NAV2: variants seen among roughly 807,000 people sequenced by gnomAD.
The protein encoded by NAV2 is helicase, APC down-regulated 1.
NAV2 carries 54 observed loss-of-function variants against 223.2 expected under a neutral mutation model. The observed-to-expected ratio is 0.24, with a 90% CI of 0.19 to 0.30. NAV2 has a LOEUF of 0.30. Among genes scored for constraint, NAV2 ranks in the 10% least tolerant of loss-of-function variants. NAV2 has a pLI of 1.00. For synonymous variants in NAV2, 1,279 were observed against 1,239.3 expected, an observed-to-expected ratio of 1.03 and a Z score of -0.67; for missense variants, 2,806 against 3,147.5, an observed-to-expected ratio of 0.89 and a Z score of 2.60.
At chr11:19,960,279 T>C (rs1231083306) in intron 10 of NAV2, among the ~76,000 whole-genome samples, 1 of 152,136 alleles carries the variant, frequency 6.6e-6, no homozygotes, top group Non-Finnish European at 1.5e-5. Flanking sequence ...AAAAACATAT[T>C]CCATCCTACT....
intron 1 of NAV2, among the ~76,000 whole-genome samples, chr11:19,572,939 C>T (rs998857742): frequency 3.3e-5 from 5 of 152,206 alleles, no homozygotes; most frequent in African/African-American, 1.2e-4. Flanking sequence ...AAACAACAAA[C>T]CGCAGAACCA....
chr11:20,055,873 C>T lies in NAV2; in HGVS notation c.4747C>T (p.Arg1583Cys), dbSNP rs202118914. Residue 1583 changes from arginine (R) to cysteine (C), a missense_variant, in exon 19 of 38, where the codon CGC becomes TGC. Transcript: ENST00000349880. Reference sequence around the variant, plus strand: ...GCAGTATGATCCATACACTGACAGCCGCTTCCGGAATAGCTCCATGTCCCT... The same window carrying T: ...GCAGTATGATCCATACACTGACAGCTGCTTCCGGAATAGCTCCATGTCCCT... Reference protein sequence around the residue: ...DGQYDPYTDSRFRNSSMSLDE... With the variant: ...DGQYDPYTDSCFRNSSMSLDE... 59 of 1,614,068 alleles carry T rather than the reference C, an allele frequency of 3.7e-5. No homozygotes were observed. The highest frequency in any genetic ancestry group is 2.5e-4 in the East Asian group (11 of 44,880).
At chr11:19,927,135 C>T (rs2044833987) in intron 6 of NAV2, among the ~76,000 whole-genome samples, 1 of 152,176 alleles carries the variant, frequency 6.6e-6, no homozygotes, top group South Asian at 2.1e-4. Context: ...AAAAAAAATT[C>T]CTTTTCTTCA....
chr11:19,845,570 G>A (rs2060758262), intron 3 of NAV2, among the ~76,000 whole-genome samples: 1 of 152,188 alleles, frequency 6.6e-6, no homozygotes, highest in Admixed American at 6.5e-5. Flanking sequence ...GAATGGAGTG[G>A]GTGCTATTCC....
intron 5 of NAV2, among the ~76,000 whole-genome samples, chr11:19,886,309 C>T (rs2040970842): frequency 6.6e-6 from 1 of 152,184 alleles, no homozygotes; most frequent in Non-Finnish European, 1.5e-5. Context: ...AGTGCTTACA[C>T]TTGGGGAGAC....
intron 35 of NAV2, among the ~76,000 whole-genome samples, chr11:20,106,369 G>A (rs1380893467): frequency 6.7e-6 from 1 of 148,160 alleles, no homozygotes; most frequent in East Asian, 2.0e-4. Context: ...AACCAGCCTG[G>A]CCAACATGGT....
intron 1 of NAV2, among the ~76,000 whole-genome samples, chr11:19,664,818 A>G (rs1005490399): frequency 6.6e-6 from 1 of 152,220 alleles, no homozygotes. Flanking sequence ...AAGAACATGT[A>G]TTGAACACCT....
intron 1 of NAV2, among the ~76,000 whole-genome samples, chr11:19,377,112 T>G (rs1447688359): frequency 1.3e-5 from 2 of 152,168 alleles, no homozygotes; most frequent in African/African-American, 4.8e-5. Context: ...CCCAGCAATC[T>G]CTGTCCTTTT....
At chr11:19,697,917 G>A (rs1230331470) in intron 1 of NAV2, among the ~76,000 whole-genome samples, 1 of 152,130 alleles carries the variant, frequency 6.6e-6, no homozygotes, top group Non-Finnish European at 1.5e-5. Flanking sequence ...GTAACGCTGG[G>A]GTCAGTCCTA....
At chr11:20,102,771 C>T (rs2153701774) in intron 32 of NAV2, among the ~76,000 whole-genome samples, 1 of 152,280 alleles carries the variant, frequency 6.6e-6, no homozygotes, top group East Asian at 1.9e-4. Flanking sequence ...CAATGCCCCA[C>T]CCGTTCTCCA....
rs577229856 is a variant in NAV2 at position 19,403,798 on chromosome 11, CAG to C, written c.75+52774_75+52775del. On this transcript the variant is annotated intron_variant, in intron 1 of 37. Coordinates refer to the NAV2 transcript ENST00000360655. ...GTATGTGCTATGGGGAAAAATAAAA[CAG>C]AGGAAGGGATATCGAGTGTGGGGTT... 1.9e-3 allele frequency among the ~76,000 whole-genome samples: 289 copies of C among 152,108 alleles called. 1 individual carries two copies. Among genetic ancestry groups the C allele is most frequent in the Non-Finnish European group, 3.2e-3 (219 of 67,996 alleles).
chr11:19,765,477 CCTT>C (rs1483004204), intron 1 of NAV2, among the ~76,000 whole-genome samples: 1 of 151,012 alleles, frequency 6.6e-6, no homozygotes, highest in Admixed American at 6.6e-5. Context: ...CCCTCTGTCT[CCTT>C]CTCCTTCTCC....
chr11:19,482,425 G>C (rs1358814005), intron 1 of NAV2, among the ~76,000 whole-genome samples: 2 of 152,182 alleles, frequency 1.3e-5, no homozygotes, highest in African/African-American at 4.8e-5. Context: ...TGTTCTATAG[G>C]ACCCCGGGGT....
chr11:19,727,799 C>T (rs1002175425), intron 1 of NAV2, among the ~76,000 whole-genome samples: 1 of 152,318 alleles, frequency 6.6e-6, no homozygotes. Context: ...TTGTGCACAC[C>T]TGTGTCTCAG....
chr11:19,828,000 C>T (rs974781540), intron 1 of NAV2, among the ~76,000 whole-genome samples: 6 of 152,044 alleles, frequency 3.9e-5, no homozygotes, highest in African/African-American at 9.7e-5. Context: ...CAACAATGAG[C>T]TGGGCGTGAT....
At chr11:19,994,463 C>G (rs915273586) in intron 11 of NAV2, among the ~76,000 whole-genome samples, 8 of 151,634 alleles carry the variant, frequency 5.3e-5, no homozygotes, top group Non-Finnish European at 1.0e-4. Context: ...AGGAGAATCG[C>G]TTGAACCGGG....
chr11:19,598,295 T>A (rs2046262418), intron 1 of NAV2, among the ~76,000 whole-genome samples: 1 of 152,192 alleles, frequency 6.6e-6, no homozygotes, highest in South Asian at 2.1e-4. Flanking sequence ...ACACTGCACT[T>A]GTGGCACCCA....
At chr11:19,709,023 A>T (rs142253066), upstream of NAV2, among the ~76,000 whole-genome samples, 1 of 152,184 alleles carries the variant, frequency 6.6e-6, no homozygotes, top group East Asian at 1.9e-4. Flanking sequence ...CTTGCAAAAC[A>T]TTGATTTAAA....
At chr11:19,905,700 G>C (rs1418361743) in intron 6 of NAV2, among the ~76,000 whole-genome samples, 1 of 152,260 alleles carries the variant, frequency 6.6e-6, no homozygotes, top group East Asian at 1.9e-4. Flanking sequence ...ACCTGTGAGG[G>C]AGAGGGACTT....
Sources: allele counts gnomAD v4.1 joint callset (sites outside exome capture counted in the v4.1 genomes callset), GRCh38; gene constraint gnomAD v4.1.1; transcripts MANE v1.5; gene names NCBI Gene and HGNC (gene_info 2026-07-23, HGNC 2026-07-21).